The following PHACTR1 variants were observed in gnomAD, a reference collection of about 807,000 sequenced individuals.
PHACTR1 encodes RPEL repeat containing 1.
In PHACTR1, 16 loss-of-function variants were observed where a neutral mutation model predicts 69.2. The ratio of observed to expected loss-of-function variants is 0.23; its 90% CI spans 0.16 to 0.35. The LOEUF (loss-of-function observed/expected upper bound fraction) is 0.35. Ranked by LOEUF, PHACTR1 falls within the 10% of genes least tolerant of loss-of-function variation. The pLI, the probability that PHACTR1 is intolerant of heterozygous loss-of-function variation, is 1.00. For synonymous variants in PHACTR1, 312 were observed against 284.5 expected (o/e 1.10, Z -0.97); for missense variants, 510 against 734.7 (o/e 0.69, Z 3.54).
intron 11 of PHACTR1, chr6:13,278,059 T>G: frequency 2.4e-6 from 1 of 423,172 alleles, no homozygotes; most frequent in Non-Finnish European, 4.4e-6. Context: ...AATGACAAGG[T>G]CAGCCTGCTC....
chr6:13,140,793 A>G (rs1013820844), intron 5 of PHACTR1, among the ~76,000 whole-genome samples: 1 of 152,244 alleles, frequency 6.6e-6, no homozygotes, highest in African/African-American at 2.4e-5. Flanking sequence ...TTTATAGTCT[A>G]CCAAAATGTT....
At chr6:13,141,226 G>A (rs1335155692) in intron 5 of PHACTR1, among the ~76,000 whole-genome samples, 3 of 152,166 alleles carry the variant, frequency 2.0e-5, no homozygotes, top group African/African-American at 7.2e-5. Flanking sequence ...GTACTAAGAA[G>A]CAGAATTTGA....
intron 5 of PHACTR1, among the ~76,000 whole-genome samples, chr6:13,058,407 A>G (rs932284683): frequency 3.9e-5 from 6 of 152,258 alleles, no homozygotes; most frequent in Non-Finnish European, 8.8e-5. Context: ...TTTTCTGCAC[A>G]CCTAGGGTCT....
chr6:12,816,670 G>A (rs145839310), intron 4 of PHACTR1, among the ~76,000 whole-genome samples: 223 of 152,266 alleles, frequency 1.5e-3, no homozygotes, highest in African/African-American at 4.8e-3. Flanking sequence ...AATGGCAATA[G>A]GCACAGCCTG....
intron 10 of PHACTR1, among the ~76,000 whole-genome samples, chr6:13,253,443 G>T (rs577456256): frequency 2.6e-5 from 4 of 152,254 alleles, no homozygotes; most frequent in Admixed American, 2.0e-4. Flanking sequence ...TGTTGTCTGG[G>T]CTGTGCATAT....
intron 5 of PHACTR1, among the ~76,000 whole-genome samples, chr6:13,084,645 T>C (rs1255330354): frequency 6.6e-6 from 1 of 152,050 alleles, no homozygotes; most frequent in Non-Finnish European, 1.5e-5. Flanking sequence ...TGTAAATAAG[T>C]GCCCCTTATT....
At chr6:13,135,908 GA>G (rs897954851) in intron 5 of PHACTR1, among the ~76,000 whole-genome samples, 35 of 148,520 alleles carry the variant, frequency 2.4e-4, no homozygotes, top group East Asian at 2.0e-4. Flanking sequence ...ATTTGAAATA[GA>G]AAAAAAAAGA....
At chr6:13,124,384 C>T (rs1481420734) in intron 5 of PHACTR1, among the ~76,000 whole-genome samples, 1 of 152,118 alleles carries the variant, frequency 6.6e-6, no homozygotes, top group Non-Finnish European at 1.5e-5. Context: ...TATGTATGTT[C>T]CCTATAATAC....
chr6:12,898,545 C>T lies in PHACTR1; in HGVS notation c.250+148755C>T, dbSNP rs372269970. 6.0e-4 allele frequency among the ~76,000 whole-genome samples: 92 copies of T among 152,188 alleles called. 1 individual carries two copies. Among genetic ancestry groups the T allele is most frequent in the Non-Finnish European group, 2.5e-4 (17 of 68,034 alleles). On this transcript the variant is annotated intron_variant, in intron 4 of 14. Transcript: ENST00000332995. ...ACCAAATGGCCAACTCCTGTCAAAT[C>T]GACTTCCTAAATGTCTCAGACATAT...
intron 4 of PHACTR1, among the ~76,000 whole-genome samples, chr6:13,045,751 CT>C (rs1327768318): frequency 2.6e-5 from 4 of 152,220 alleles, no homozygotes; most frequent in Non-Finnish European, 4.4e-5. Context: ...CAGGGGGCCA[CT>C]AAAGGGCAGC....
chr6:13,266,019 A>G (rs965577934), intron 10 of PHACTR1, among the ~76,000 whole-genome samples: 1 of 152,152 alleles, frequency 6.6e-6, no homozygotes, highest in Admixed American at 6.5e-5. Flanking sequence ...AGCTTCATTC[A>G]TATGTCTCAG....
chr6:13,047,925 C>T (rs764217289), intron 4 of PHACTR1, among the ~76,000 whole-genome samples: 32 of 152,142 alleles, frequency 2.1e-4, no homozygotes, highest in Non-Finnish European at 4.0e-4. Flanking sequence ...TAGGAGCCCA[C>T]CAAGAGTAAT....
rs188894847 is a variant in PHACTR1, at chr6:12,736,062, T to C, written c.104-13582T>C. Among the ~76,000 whole-genome samples, 3 of 152,320 alleles carry C rather than the reference T, an allele frequency of 2.0e-5. 1 individual carries two copies. The highest frequency in any genetic ancestry group is 2.0e-4 in the Admixed American group (3 of 15,292). ...CGAGAACTGAGATGTACTAATAACA[T>C]TTCCTCAGATGGTTTGTTTTCTAGC... On this transcript the variant is annotated intron_variant, in intron 3 of 14. Coordinates refer to ENST00000332995, the MANE Select transcript of PHACTR1 (RefSeq NM_030948.6).
intron 4 of PHACTR1, among the ~76,000 whole-genome samples, chr6:12,793,747 G>C (rs577448406): frequency 6.6e-6 from 1 of 152,244 alleles, no homozygotes; most frequent in East Asian, 1.9e-4. Flanking sequence ...TAAATATATG[G>C]TCTGAATCAG....
intron 5 of PHACTR1, among the ~76,000 whole-genome samples, chr6:13,100,946 A>G (rs1184873617): frequency 6.6e-6 from 1 of 152,190 alleles, no homozygotes; most frequent in Non-Finnish European, 1.5e-5. Context: ...AGAATTTCTT[A>G]AAGATTTTGT....
chr6:12,885,419 T>C (rs1192300444), intron 4 of PHACTR1, among the ~76,000 whole-genome samples: 1 of 152,208 alleles, frequency 6.6e-6, no homozygotes, highest in Non-Finnish European at 1.5e-5. Flanking sequence ...CCTGCCTGCC[T>C]TTGATCAAAG....
In PHACTR1 at chr6:12,837,208, T is replaced by C. The variant is rs1018849538; in HGVS notation, c.250+87418T>C. Among the ~76,000 whole-genome samples, 5 of 152,172 alleles carry C rather than the reference T, an allele frequency of 3.3e-5. No individual in the cohort carries two copies. In the East Asian group the frequency reaches 9.6e-4, roughly 29 times the overall value. On this transcript the variant is annotated intron_variant, in intron 4 of 14. Coordinates refer to ENST00000332995, the MANE Select transcript of PHACTR1 (RefSeq NM_030948.6). ...GAACCAATGCAGTAAAGAATGATGA[T>C]AAAAAATTACAAATACCAGAGTTGG...
chr6:13,007,723 A>G (rs1798973614), intron 4 of PHACTR1, among the ~76,000 whole-genome samples: 1 of 147,754 alleles, frequency 6.8e-6, no homozygotes, highest in Admixed American at 6.8e-5. Flanking sequence ...CATCAGTGGT[A>G]ATGTGGAAGA....
At chr6:12,795,355 T>C (rs76128421) in intron 4 of PHACTR1, among the ~76,000 whole-genome samples, 173 of 152,328 alleles carry the variant, frequency 1.1e-3, no homozygotes, top group African/African-American at 3.9e-3. Context: ...CTGTGTCAAT[T>C]AAGGATGTGA....
Sources: allele counts gnomAD v4.1 joint callset (sites outside exome capture counted in the v4.1 genomes callset), GRCh38; gene constraint gnomAD v4.1.1; transcripts MANE v1.5; gene names NCBI Gene and HGNC (gene_info 2026-07-23, HGNC 2026-07-21).